The following WWOX variants were observed in gnomAD, a reference collection of about 807,000 sequenced individuals.
WWOX encodes WW domain-containing oxidoreductase.
In WWOX, 69 loss-of-function variants were observed where a neutral mutation model predicts 46.2. That is an observed-to-expected ratio of 1.49 (90% CI 1.23 to 1.82). The LOEUF is 1.82. WWOX is among the 40% of genes most tolerant of loss of function. The pLI is 0.00. For missense variants in WWOX, 919 were observed against 542.6 expected (o/e 1.69, Z -6.89); for synonymous variants, 359 against 202.6 (o/e 1.77, Z -6.56).
intron 8 of WWOX, among the ~76,000 whole-genome samples, chr16:79,063,508 C>T (rs1370190101): frequency 6.6e-6 from 1 of 152,158 alleles, no homozygotes; most frequent in Admixed American, 6.5e-5. Flanking sequence ...AAAACAAAAC[C>T]AAACAAAAGC....
intron 1 of WWOX, among the ~76,000 whole-genome samples, chr16:78,108,032 G>A (rs1255228729): frequency 6.6e-6 from 1 of 151,688 alleles, no homozygotes; most frequent in Non-Finnish European, 1.5e-5. Flanking sequence ...TGGCTCAAGC[G>A]ATTCTCCTGC....
At chr16:78,539,543 G>C (rs375383404) in intron 8 of WWOX, among the ~76,000 whole-genome samples, 88 of 152,352 alleles carry the variant, frequency 5.8e-4, no homozygotes, top group African/African-American at 1.9e-3. Flanking sequence ...GACAGAAGTA[G>C]GACTTCAGGT....
chr16:78,451,770 G>C (rs929442541), intron 8 of WWOX, among the ~76,000 whole-genome samples: 10 of 152,162 alleles, frequency 6.6e-5, no homozygotes, highest in Non-Finnish European at 1.0e-4. Context: ...AGGGTATACA[G>C]ACACTTATTG....
intron 5 of WWOX, among the ~76,000 whole-genome samples, chr16:78,384,379 G>A (rs2082017580): frequency 6.6e-6 from 1 of 152,144 alleles, no homozygotes; most frequent in Non-Finnish European, 1.5e-5. Context: ...AGGTAGTTGT[G>A]TTTATGAGGC....
At chr16:78,472,318 T>G (rs559907697) in intron 8 of WWOX, among the ~76,000 whole-genome samples, 13 of 152,300 alleles carry the variant, frequency 8.5e-5, no homozygotes, top group South Asian at 2.1e-4. Flanking sequence ...AAATGCTGCA[T>G]ATTCCAAGCC....
chr16:79,190,984 A>C (rs868191509), intron 8 of WWOX, among the ~76,000 whole-genome samples: 1 of 152,220 alleles, frequency 6.6e-6, no homozygotes, highest in Non-Finnish European at 1.5e-5. Context: ...ATCATGTATC[A>C]AAGGTGATGT....
chr16:79,174,621 C>G (rs991755338), intron 8 of WWOX, among the ~76,000 whole-genome samples: 1 of 152,182 alleles, frequency 6.6e-6, no homozygotes, highest in African/African-American at 2.4e-5. Context: ...GCACTCCAGC[C>G]TGGGCAACAA....
chr16:79,056,742 A>C (rs752633804), intron 8 of WWOX, among the ~76,000 whole-genome samples: 1 of 152,192 alleles, frequency 6.6e-6, no homozygotes, highest in Non-Finnish European at 1.5e-5. Context: ...GTATCCCTTT[A>C]ACTCAAGAAG....
chr16:78,642,378 C>G (rs558826322), intron 8 of WWOX, among the ~76,000 whole-genome samples: 1 of 152,166 alleles, frequency 6.6e-6, no homozygotes, highest in Admixed American at 6.5e-5. Flanking sequence ...TTTATGCTGA[C>G]TTTCCTTTTT....
chr16:78,673,407 A>G (rs997878638), intron 8 of WWOX, among the ~76,000 whole-genome samples: 4 of 152,142 alleles, frequency 2.6e-5, no homozygotes, highest in African/African-American at 4.8e-5. Context: ...ATCTTAGCCA[A>G]CTGTGAACAT....
intron 8 of WWOX, among the ~76,000 whole-genome samples, chr16:78,568,857 C>T (rs772487064): frequency 7.9e-5 from 12 of 152,196 alleles, no homozygotes; most frequent in Non-Finnish European, 1.6e-4. Context: ...TTGTTTTCTG[C>T]TTCTGTCTTA....
chr16:79,094,318 A>C (rs1290373942), intron 8 of WWOX, among the ~76,000 whole-genome samples: 1 of 148,304 alleles, frequency 6.7e-6, no homozygotes, highest in Non-Finnish European at 1.5e-5. Flanking sequence ...CAATGGCACG[A>C]TCTCGGCTCG....
intron 8 of WWOX, among the ~76,000 whole-genome samples, chr16:78,833,488 G>C (rs2051889764): frequency 6.6e-6 from 1 of 151,732 alleles, no homozygotes; most frequent in Non-Finnish European, 1.5e-5. Context: ...GTCCTCTTCT[G>C]CGAGTTCAGA....
intron 8 of WWOX, among the ~76,000 whole-genome samples, chr16:78,875,907 C>T (rs989719395): frequency 1.3e-5 from 2 of 152,182 alleles, no homozygotes; most frequent in Admixed American, 6.5e-5. Flanking sequence ...ATTCTTTCTC[C>T]TGATACCATT....
chr16:78,811,420 A>G (rs1018417370), intron 8 of WWOX, among the ~76,000 whole-genome samples: 1 of 150,730 alleles, frequency 6.6e-6, no homozygotes, highest in Non-Finnish European at 1.5e-5. Context: ...AACTTTCTTC[A>G]TCTCCCTCTT....
intron 8 of WWOX, among the ~76,000 whole-genome samples, chr16:78,544,394 T>C (rs1042485822): frequency 1.4e-4 from 21 of 152,200 alleles, no homozygotes; most frequent in African/African-American, 4.3e-4. Context: ...TACAACCTTA[T>C]TAAGTAGACA....
At chr16:78,592,811 T>G (rs2045382316) in intron 8 of WWOX, among the ~76,000 whole-genome samples, 1 of 152,218 alleles carries the variant, frequency 6.6e-6, no homozygotes, top group African/African-American at 2.4e-5. Context: ...CGGGCTCCTT[T>G]TCTCTTTCTG....
chr16:78,772,348 C>T (rs568761057), intron 8 of WWOX, among the ~76,000 whole-genome samples: 11 of 152,284 alleles, frequency 7.2e-5, no homozygotes, highest in East Asian at 5.8e-4. Context: ...TAGCCCCGTC[C>T]GTGTTCTCGC....
At chr16:79,065,238 AC>A (rs2150555350) in intron 8 of WWOX, among the ~76,000 whole-genome samples, 1 of 152,324 alleles carries the variant, frequency 6.6e-6, no homozygotes, top group Non-Finnish European at 1.5e-5. Flanking sequence ...CACAGGTAAA[AC>A]CCAGTTCACT....
Sources: allele counts gnomAD v4.1 joint callset (sites outside exome capture counted in the v4.1 genomes callset), GRCh38; gene constraint gnomAD v4.1.1; transcripts MANE v1.5; gene names NCBI Gene and HGNC (gene_info 2026-07-23, HGNC 2026-07-21).